Variants in FBXL7 observed in about 807,000 individuals in gnomAD.
The protein encoded by FBXL7 is F-box/LRR-repeat protein 7.
FBXL7 carries 12 observed loss-of-function variants against 38.3 expected under a neutral mutation model. The observed-to-expected ratio is 0.31, with a 90% confidence interval of 0.20 to 0.51. The LOEUF is 0.51. FBXL7 is among the 20% of genes least tolerant of loss of function. The pLI is 0.98. For missense variants in FBXL7, 567 were observed against 676.4 expected (o/e 0.84, Z 1.79); for synonymous variants, 297 against 300.9 (o/e 0.99, Z 0.13).
At chr5:15,625,777 G>A (rs1488995140) in intron 2 of FBXL7, among the ~76,000 whole-genome samples, 3 of 152,170 alleles carry the variant, frequency 2.0e-5, no homozygotes, top group Admixed American at 2.0e-4. Context: ...ATTTCAGCAT[G>A]TACCTTAGGA....
At chr5:15,603,618 A>T (rs1040749322) in intron 1 of FBXL7, among the ~76,000 whole-genome samples, 1 of 152,230 alleles carries the variant, frequency 6.6e-6, no homozygotes, top group Non-Finnish European at 1.5e-5. Flanking sequence ...TGTGAACTGC[A>T]TCCTGGATCA....
chr5:15,846,144 G>C (rs1181557874), intron 2 of FBXL7, among the ~76,000 whole-genome samples: 2 of 152,148 alleles, frequency 1.3e-5, no homozygotes, highest in Non-Finnish European at 2.9e-5. Context: ...ACAAACATTT[G>C]ATCAAGCAGG....
intron 2 of FBXL7, among the ~76,000 whole-genome samples, chr5:15,625,425 G>T (rs1740778909): frequency 6.6e-6 from 1 of 152,150 alleles, no homozygotes; most frequent in Non-Finnish European, 1.5e-5. Context: ...AAGCCGAGGT[G>T]GCCGATCACA....
intron 2 of FBXL7, among the ~76,000 whole-genome samples, chr5:15,804,103 ATTTG>A (rs773449833): frequency 2.7e-4 from 41 of 152,188 alleles, no homozygotes; most frequent in Non-Finnish European, 5.3e-4. Flanking sequence ...CCTTAATAGT[ATTTG>A]TTAATTCCAG....
intron 1 of FBXL7, among the ~76,000 whole-genome samples, chr5:15,546,730 C>T (rs1737907421): frequency 6.6e-6 from 1 of 152,062 alleles, no homozygotes; most frequent in South Asian, 2.1e-4. Flanking sequence ...GACCCTGTCT[C>T]AAAAACAAAA....
In FBXL7 at chr5:15,928,865, G is replaced by A. The variant is rs1741965876; in HGVS notation, c.739+364G>A. ...TCTCCACTTCTTACGGGAGTTCTTA[G>A]GGGAATTCTGGCACATTTTGCCTGG... On this transcript the variant is annotated intron_variant, in intron 3 of 3. Coordinates refer to ENST00000504595, the MANE Select transcript of FBXL7 (RefSeq NM_012304.5). The surrounding 1 kb of genome is among the most constrained non-coding windows in gnomAD (Gnocchi z 4.0). 1.3e-5 allele frequency among the ~76,000 whole-genome samples: 2 copies of A among 152,136 alleles called. No individual in the cohort carries two copies. Among genetic ancestry groups the A allele is most frequent in the African/African-American group, 4.8e-5 (2 of 41,426 alleles).
At chr5:15,622,408 G>T (rs941485735) in intron 2 of FBXL7, among the ~76,000 whole-genome samples, 1 of 151,984 alleles carries the variant, frequency 6.6e-6, no homozygotes, top group Non-Finnish European at 1.5e-5. Flanking sequence ...TTTACATTAG[G>T]TATATCTCCT....
chr5:15,602,553 C>T (rs1441744804), intron 1 of FBXL7, among the ~76,000 whole-genome samples: 1 of 152,068 alleles, frequency 6.6e-6, no homozygotes, highest in East Asian at 1.9e-4. Context: ...AGTTGACCAT[C>T]AAGTGCAGAA....
At chr5:15,821,158 G>T (rs1579492661) in intron 2 of FBXL7, among the ~76,000 whole-genome samples, 3 of 152,212 alleles carry the variant, frequency 2.0e-5, no homozygotes, top group Admixed American at 2.0e-4. Context: ...ATTTCCAAAG[G>T]TAAGAAATCA....
intron 2 of FBXL7, among the ~76,000 whole-genome samples, chr5:15,640,981 C>T (rs951998255): frequency 4.6e-5 from 7 of 152,212 alleles, no homozygotes; most frequent in African/African-American, 1.7e-4. Context: ...CAGCATCTCA[C>T]ATACTAGAGC....
intron 2 of FBXL7, among the ~76,000 whole-genome samples, chr5:15,723,712 A>G (rs1214210076): frequency 6.6e-6 from 1 of 152,240 alleles, no homozygotes; most frequent in Non-Finnish European, 1.5e-5. Context: ...TTGCTTAATT[A>G]TAAGTGTACA....
intron 2 of FBXL7, among the ~76,000 whole-genome samples, chr5:15,795,053 C>G (rs959565062): frequency 6.6e-6 from 1 of 152,220 alleles, no homozygotes; most frequent in Non-Finnish European, 1.5e-5. Flanking sequence ...GGACAACAAG[C>G]TCAGCCAGAG....
In FBXL7 at chr5:15,936,870, A is replaced by G. The variant is rs1398751450; in HGVS notation, c.1160A>G (p.Glu387Gly). The change falls in exon 4 of 4, where the codon GAG becomes GGG. Residue 387 changes from glutamate (E) to glycine (G), a missense_variant. Transcript: ENST00000504595. The surrounding 1 kb of genome is among the most constrained non-coding windows in gnomAD (Gnocchi z 6.0). ...KLRYLNARGC[E>G]GITDHGVEYL... is the part of the protein sequence containing the mutation. ...CGCTACCTCAACGCGAGGGGCTGCG[A>G]GGGCATCACGGACCACGGTGTGGAG... is the stretch of plus-strand genomic sequence containing the variant. The G allele has an allele frequency of 1.2e-6, 2 of 1,613,848 alleles. No homozygotes were observed. Among genetic ancestry groups the G allele is most frequent in the Non-Finnish European group, 8.5e-7 (1 of 1,179,864 alleles).
chr5:15,932,390 T>G (rs115643890), intron 3 of FBXL7, among the ~76,000 whole-genome samples: 263 of 152,288 alleles, frequency 1.7e-3, no homozygotes, highest in African/African-American at 5.8e-3. Context: ...CCAGAAGAGA[T>G]AGAGATATCA....
intron 2 of FBXL7, among the ~76,000 whole-genome samples, chr5:15,888,718 G>A (rs16867812): frequency 0.012 from 1,758 of 152,176 alleles, 32 homozygotes; most frequent in African/African-American, 0.04. Flanking sequence ...GGCCCACTCT[G>A]CCACTCTTGC....
chr5:15,561,646 T>C (rs556254396), intron 1 of FBXL7, among the ~76,000 whole-genome samples: 4 of 152,104 alleles, frequency 2.6e-5, no homozygotes, highest in Admixed American at 2.0e-4. Context: ...TGCATTTTTT[T>C]TTACAGTGGC....
intron 1 of FBXL7, among the ~76,000 whole-genome samples, chr5:15,573,906 G>A (rs1316701670): frequency 6.6e-6 from 1 of 152,160 alleles, no homozygotes; most frequent in East Asian, 1.9e-4. Context: ...AACAAAAAAG[G>A]TAATAGCTGG....
At chr5:15,794,576 A>G (rs1737365157) in intron 2 of FBXL7, among the ~76,000 whole-genome samples, 1 of 152,008 alleles carries the variant, frequency 6.6e-6, no homozygotes, top group African/African-American at 2.4e-5. Flanking sequence ...AAATTGGCAA[A>G]CTCTTGTGGG....
chr5:15,688,057 A>G (rs1743071264), intron 2 of FBXL7, among the ~76,000 whole-genome samples: 1 of 152,264 alleles, frequency 6.6e-6, no homozygotes, highest in African/African-American at 2.4e-5. Context: ...CTTCCTGGAT[A>G]GAAGAGCCTA....
Sources: gnomAD v4.1 joint callset for allele counts (sites outside exome capture counted in the v4.1 genomes callset) on GRCh38, gnomAD v4.1.1 for gene constraint, Gnocchi (gnomAD v3.1) non-coding constraint, MANE v1.5 for transcripts, NCBI Gene and HGNC (gene_info 2026-07-23, HGNC 2026-07-21) for gene names.